ENTPD3: variants seen among roughly 807,000 people sequenced by gnomAD.
ENTPD3 encodes ectonucleoside triphosphate diphosphohydrolase 3.
A neutral mutation model predicts 51.2 loss-of-function variants in ENTPD3; 60 were observed. The ratio of observed to expected loss-of-function variants is 1.17; its 90% CI spans 0.95 to 1.45. The LOEUF is 1.45. Ranked by LOEUF, ENTPD3 falls within the 40% of genes most tolerant of loss-of-function variation. The pLI is 0.00. For missense variants in ENTPD3, 593 were observed against 641.1 expected (o/e 0.93, Z 0.81); for synonymous variants, 221 against 238.4 (o/e 0.93, Z 0.67).
intron 4 of ENTPD3, among the ~76,000 whole-genome samples, chr3:40,407,356 A>AT (rs1467480460): frequency 1.3e-5 from 2 of 152,258 alleles, no homozygotes; most frequent in East Asian, 3.9e-4. Flanking sequence ...AAAAAAAAAA[A>AT]CTTTACTTGT....
At chr3:40,410,272 CT>C (rs1684448682) in intron 4 of ENTPD3, among the ~76,000 whole-genome samples, 1 of 151,982 alleles carries the variant, frequency 6.6e-6, no homozygotes, top group South Asian at 2.1e-4. Flanking sequence ...AAAACTCTGT[CT>C]CTACAAAAAA....
At chr3:40,395,272 A>T (rs1324670700) in intron 3 of ENTPD3, among the ~76,000 whole-genome samples, 3 of 152,236 alleles carry the variant, frequency 2.0e-5, no homozygotes, top group Non-Finnish European at 4.4e-5. Flanking sequence ...AGTAACAGGC[A>T]AGTCCTCTGT....
At chr3:40,416,430 G>A (rs1171172188) in intron 7 of ENTPD3, among the ~76,000 whole-genome samples, 2 of 152,128 alleles carry the variant, frequency 1.3e-5, no homozygotes, top group African/African-American at 4.8e-5. Flanking sequence ...CCTGGGTGTA[G>A]ACAAAATAAT....
rs1955642686 is a variant in ENTPD3 at position 40,411,944 on chromosome 3, C to T, written c.419C>T (p.Ala140Val). The T allele has an allele frequency of 1.2e-6, 2 of 1,610,808 alleles. No homozygotes were observed. Among genetic ancestry groups the T allele is most frequent in the South Asian group, 2.2e-5 (2 of 90,146 alleles). Residue 140 changes from alanine (A) to valine (V), a missense_variant, in exon 5 of 11, where the codon GCT (alanine) becomes GTT (valine). Transcript: ENST00000301825. ...GSTPIHLGAT[A>V]GMRLLRLQNE... The stretch of plus-strand genomic sequence containing the variant: ...ACCCCCATTCACCTGGGAGCCACGG[C>T]TGGGATGCGCTTGCTGAGGTAAAGG...
At position 40,401,026 on chromosome 3, in the gene ENTPD3, G is replaced by A; in HGVS notation, c.286+15G>A. The A allele has an allele frequency of 6.3e-7, 1 of 1,584,856 alleles. No individual in the cohort carries two copies. The highest frequency in any genetic ancestry group is 8.7e-7 in the Non-Finnish European group (1 of 1,153,270). The stretch of plus-strand genomic sequence containing the variant: ...TAGTGTGAAAGGTAAGGACTGAAGT[G>A]TGTCTGGGAGTCACAATGGGCAGCA... On this transcript the variant is annotated intron_variant, in intron 4 of 10. Transcript: ENST00000301825.
chr3:40,389,732 A>G (rs1418941970), intron 2 of ENTPD3, among the ~76,000 whole-genome samples: 2 of 152,240 alleles, frequency 1.3e-5, no homozygotes, highest in East Asian at 1.9e-4. Flanking sequence ...ATGAAGACCT[A>G]CTGCGTGACT....
intron 4 of ENTPD3, among the ~76,000 whole-genome samples, chr3:40,404,859 C>T (rs1955454442): frequency 6.6e-6 from 1 of 152,168 alleles, no homozygotes; most frequent in Admixed American, 6.5e-5. Flanking sequence ...GCAGGGATTC[C>T]CAGATGCCTA....
Position 40,392,066 on chromosome 3 carries a change from G to T in ENTPD3, c.84G>T (p.Val28=). Reference sequence around the variant, plus strand: ...GAACTCCAACCATCATTGCCTTGGTGGTCTTGCTTGTGAGTATTGTGGTAC... The same window carrying T: ...GAACTCCAACCATCATTGCCTTGGTTGTCTTGCTTGTGAGTATTGTGGTAC... ...LYRTPTIIAL[V]VLLVSIVVLV... The change falls in exon 3 of 11, where the codon GTG becomes GTT. Residue 28 remains valine (V), a synonymous_variant. Coordinates refer to ENST00000301825, the MANE Select transcript of ENTPD3 (RefSeq NM_001248.4). 1.2e-6 allele frequency: 2 copies of T among 1,614,124 alleles called. No homozygotes were observed. Among genetic ancestry groups the T allele is most frequent in the Non-Finnish European group, 1.7e-6 (2 of 1,180,012 alleles).
At chr3:40,396,655 C>A (rs78618375) in intron 3 of ENTPD3, among the ~76,000 whole-genome samples, 1 of 152,134 alleles carries the variant, frequency 6.6e-6, no homozygotes, top group Non-Finnish European at 1.5e-5. Context: ...AAACATGATG[C>A]CATCACTTGT....
In ENTPD3 at chr3:40,416,137, G is replaced by A. The variant is rs1955743628; in HGVS notation, c.831+64G>A. 6.7e-6 allele frequency: 8 copies of A among 1,199,282 alleles called. No homozygotes were observed. In the South Asian group the frequency reaches 7.7e-5, roughly 12 times the overall value. The allele number at this position is 1,199,282 out of a possible 1,614,324, so 74.3% of individuals were successfully genotyped here. On this transcript the variant is annotated intron_variant, in intron 7 of 10. Coordinates refer to ENST00000301825, the MANE Select transcript of ENTPD3 (RefSeq NM_001248.4). The stretch of plus-strand genomic sequence containing the variant: ...TGAGGGTTTGAGCTGAGGGGAGAAT[G>A]CCCTGCCTTCTGGGGTCTGTCCTCT...
intron 7 of ENTPD3, among the ~76,000 whole-genome samples, chr3:40,417,249 T>C (rs1400720174): frequency 1.3e-5 from 2 of 152,170 alleles, no homozygotes; most frequent in African/African-American, 4.8e-5. Context: ...CACACTACTA[T>C]AAAGAAATAC....
At chr3:40,406,581 G>A (rs1955506988) in intron 4 of ENTPD3, among the ~76,000 whole-genome samples, 1 of 152,230 alleles carries the variant, frequency 6.6e-6, no homozygotes, top group African/African-American at 2.4e-5. Flanking sequence ...CAGTACGGGT[G>A]AGAGATTAGG....
intron 7 of ENTPD3, among the ~76,000 whole-genome samples, chr3:40,422,494 C>T (rs9860002): frequency 0.25 from 36,566 of 145,452 alleles, 5,462 homozygotes; most frequent in East Asian, 0.46. Context: ...TCTCCTAATG[C>T]TATCCTTCCC....
intron 3 of ENTPD3, chr3:40,392,423 C>G (rs2125587662): frequency 2.6e-6 from 1 of 389,450 alleles, no homozygotes; most frequent in South Asian, 4.2e-5. Context: ...AATTTGTAAC[C>G]AAGAGTTGCA....
At chr3:40,396,721 C>T (rs964981740) in intron 3 of ENTPD3, among the ~76,000 whole-genome samples, 2 of 152,146 alleles carry the variant, frequency 1.3e-5, no homozygotes, top group African/African-American at 4.8e-5. Context: ...CAATACCTTC[C>T]TCTTGAGGCT....
At chr3:40,402,497 A>G (rs1955387876) in intron 4 of ENTPD3, among the ~76,000 whole-genome samples, 2 of 151,750 alleles carry the variant, frequency 1.3e-5, no homozygotes, top group Admixed American at 6.6e-5. Context: ...ATTTATAGGC[A>G]TTTCTGTTTT....
chr3:40,396,107 C>G (rs1014553596), intron 3 of ENTPD3, among the ~76,000 whole-genome samples: 1 of 152,140 alleles, frequency 6.6e-6, no homozygotes, highest in Non-Finnish European at 1.5e-5. Flanking sequence ...GTAACAGACC[C>G]TAGCCACCAT....
At chr3:40,427,132 T>C in intron 10 of ENTPD3, 140 bp from the exon 11 acceptor site, 2 of 689,190 alleles carry the variant, frequency 2.9e-6, no homozygotes, top group Non-Finnish European at 2.6e-6. Context: ...TGTGGTGTCT[T>C]AACTTGGGCA....
intron 1 of ENTPD3, 44 bp from the exon 2 acceptor site, chr3:40,388,002 C>T: frequency 1.3e-6 from 2 of 1,525,874 alleles, no homozygotes; most frequent in Non-Finnish European, 1.8e-6. Flanking sequence ...CTTGTGAGGC[C>T]GGGGCGGTGG....
Sources: allele counts gnomAD v4.1 joint callset (sites outside exome capture counted in the v4.1 genomes callset), GRCh38; gene constraint gnomAD v4.1.1; transcripts MANE v1.5; gene names NCBI Gene and HGNC (gene_info 2026-07-23, HGNC 2026-07-21).